The following RUNX1 variants were observed in gnomAD, a reference collection of about 807,000 sequenced individuals.
The protein encoded by RUNX1 is RUNX family transcription factor 1, also known as runt-related transcription factor 1.
RUNX1 carries 19 observed loss-of-function variants against 42.8 expected under a neutral mutation model. The observed-to-expected ratio is 0.44, with a 90% confidence interval of 0.31 to 0.65. The LOEUF is 0.65. Ranked by LOEUF, RUNX1 falls within the 30% of genes least tolerant of loss-of-function variation. RUNX1 has a pLI of 0.07. For missense variants in RUNX1, 528 were observed against 672.0 expected (o/e 0.79, Z 2.37); for synonymous variants, 271 against 289.4 (o/e 0.94, Z 0.64).
At chr21:35,037,924 CT>C (rs35525288) in intron 2 of RUNX1, among the ~76,000 whole-genome samples, 14 of 146,404 alleles carry the variant, frequency 9.6e-5, no homozygotes, top group Admixed American at 1.4e-4. Context: ...GCAGACATTT[CT>C]TTTTTTTTTT....
At chr21:34,995,872 G>T (rs1197121607) in intron 2 of RUNX1, among the ~76,000 whole-genome samples, 1 of 152,102 alleles carries the variant, frequency 6.6e-6, no homozygotes, top group Non-Finnish European at 1.5e-5. Flanking sequence ...TCTCTCCTCT[G>T]CCTCTTCGAA....
chr21:34,809,829 GA>G (rs201049217), intron 7 of RUNX1, among the ~76,000 whole-genome samples: 3 of 151,318 alleles, frequency 2.0e-5, no homozygotes, highest in East Asian at 1.9e-4. Flanking sequence ...CAGCACGCAA[GA>G]AAAAAAAAGA....
chr21:34,840,697 A>G (rs2057221570), intron 6 of RUNX1, among the ~76,000 whole-genome samples: 1 of 152,166 alleles, frequency 6.6e-6, no homozygotes, highest in Admixed American at 6.5e-5. Flanking sequence ...CAGGTCGCCC[A>G]GCCTGCGATC....
At chr21:34,877,206 C>T (rs150758176) in intron 5 of RUNX1, among the ~76,000 whole-genome samples, 1 of 152,146 alleles carries the variant, frequency 6.6e-6, no homozygotes, top group South Asian at 2.1e-4. Context: ...AGCCATGATA[C>T]ACTTTCTTGT....
At chr21:34,878,336 G>A (rs1396845148) in intron 5 of RUNX1, among the ~76,000 whole-genome samples, 1 of 138,478 alleles carries the variant, frequency 7.2e-6, no homozygotes, top group Non-Finnish European at 1.5e-5. Context: ...TACTTTTGTA[G>A]CGCTGACTAA....
chr21:34,884,065 A>G (rs879086204), intron 4 of RUNX1, among the ~76,000 whole-genome samples: 3 of 152,234 alleles, frequency 2.0e-5, no homozygotes, highest in Non-Finnish European at 4.4e-5. Flanking sequence ...CTATAACACC[A>G]TGGTATTACC....
intron 2 of RUNX1, among the ~76,000 whole-genome samples, chr21:35,011,443 G>A (rs2059126072): frequency 2.0e-5 from 3 of 152,184 alleles, no homozygotes; most frequent in Admixed American, 2.0e-4. Flanking sequence ...GAATAGACAT[G>A]GCTCTTTGCT....
At chr21:34,964,371 C>T (rs1292716175) in intron 2 of RUNX1, among the ~76,000 whole-genome samples, 1 of 151,860 alleles carries the variant, frequency 6.6e-6, no homozygotes, top group Non-Finnish European at 1.5e-5. Flanking sequence ...GCCTGTAGTC[C>T]CAGCTACTCG....
intron 8 of RUNX1, among the ~76,000 whole-genome samples, chr21:34,793,077 C>G (rs561125988): frequency 6.6e-6 from 1 of 151,634 alleles, no homozygotes; most frequent in Admixed American, 6.6e-5. Flanking sequence ...CAGAATTTAC[C>G]GCCCAGGAAG....
chr21:34,922,270 A>G (rs1226633288), intron 2 of RUNX1, among the ~76,000 whole-genome samples: 10 of 152,142 alleles, frequency 6.6e-5, no homozygotes, highest in Admixed American at 5.2e-4. Flanking sequence ...GATTGTCAGG[A>G]GGGGTTTGGT....
At chr21:34,993,611 GCA>G (rs754733110) in intron 2 of RUNX1, among the ~76,000 whole-genome samples, 8 of 15,382 alleles carry the variant, frequency 5.2e-4, no homozygotes, top group African/African-American at 1.1e-3. Flanking sequence ...GCACACACAG[GCA>G]CACACACAGA....
At chr21:34,932,956 T>C (rs1569111935) in intron 2 of RUNX1, among the ~76,000 whole-genome samples, 1 of 152,238 alleles carries the variant, frequency 6.6e-6, no homozygotes, top group Non-Finnish European at 1.5e-5. Context: ...GTGCATCCTC[T>C]TTTATGCATT....
At chr21:34,882,134 T>C (rs1222523476) in intron 4 of RUNX1, among the ~76,000 whole-genome samples, 35 of 152,220 alleles carry the variant, frequency 2.3e-4, no homozygotes. Flanking sequence ...TTTTTTGTAG[T>C]ATATATTTTC....
rs202072478 is a variant in RUNX1, at chr21:34,862,126, G to GAC, written c.509-2549_509-2548insGT. Among the ~76,000 whole-genome samples, 892 of 152,200 alleles carry GAC rather than the reference G, an allele frequency of 5.9e-3. 12 individuals are homozygous for GAC. The highest frequency in any genetic ancestry group is 0.02 in the African/African-American group (847 of 41,496). Reference sequence around the variant, plus strand: ...TGCATGTGGGTGTATGAGAGAGAGAGAGAGAGAGACTGAGGTGGTTCTTTC... The same window carrying GAC: ...TGCATGTGGGTGTATGAGAGAGAGAGACAGAGAGAGACTGAGGTGGTTCTTTC... On this transcript the variant is annotated intron_variant, in intron 5 of 8. Transcript: ENST00000675419.
chr21:34,889,244 C>G (rs1333927668), intron 3 of RUNX1, among the ~76,000 whole-genome samples: 1 of 152,042 alleles, frequency 6.6e-6, no homozygotes, highest in Non-Finnish European at 1.5e-5. Flanking sequence ...GGCCGCGGGG[C>G]CCGGGGGAGC....
chr21:34,985,288 G>A (rs1192794680), intron 2 of RUNX1, among the ~76,000 whole-genome samples: 1 of 152,180 alleles, frequency 6.6e-6, no homozygotes, highest in Non-Finnish European at 1.5e-5. Flanking sequence ...CTGCCAGCAG[G>A]ACCTCAATGG....
chr21:34,915,589 C>G (rs2058306388), intron 2 of RUNX1, among the ~76,000 whole-genome samples: 1 of 152,182 alleles, frequency 6.6e-6, no homozygotes, highest in Non-Finnish European at 1.5e-5. Flanking sequence ...AAGAAGCATT[C>G]TATGCAAATG....
chr21:34,804,877 G>A (rs550880723), intron 7 of RUNX1, among the ~76,000 whole-genome samples: 28 of 152,104 alleles, frequency 1.8e-4, no homozygotes, highest in Non-Finnish European at 3.2e-4. Context: ...GAGTAGCTGG[G>A]ATTACAGGCA....
chr21:34,916,124 G>A (rs1002092012), intron 2 of RUNX1, among the ~76,000 whole-genome samples: 3 of 152,192 alleles, frequency 2.0e-5, no homozygotes, highest in Non-Finnish European at 2.9e-5. Context: ...TGAAGTCACT[G>A]ATTGATTTTC....
Sources: gnomAD v4.1 joint callset for allele counts (sites outside exome capture counted in the v4.1 genomes callset) on GRCh38, gnomAD v4.1.1 for gene constraint, MANE v1.5 for transcripts, NCBI Gene and HGNC (gene_info 2026-07-23, HGNC 2026-07-21) for gene names.